ABCA13: variants seen among roughly 807,000 people sequenced by gnomAD.
ABCA13 encodes ATP binding cassette subfamily A member 13.
ABCA13 carries 476 observed loss-of-function variants against 478.7 expected under a neutral mutation model. The observed-to-expected ratio is 0.99, with a 90% CI of 0.92 to 1.07. The LOEUF (loss-of-function observed/expected upper bound fraction) is 1.07. Among genes scored for constraint, ABCA13 ranks in the 50% least tolerant of loss-of-function variants. The pLI, the probability that ABCA13 is intolerant of heterozygous loss-of-function variation, is 0.00. For missense variants in ABCA13, 6,060 were observed against 5,910.6 expected, an observed-to-expected ratio of 1.03 and a Z score of -0.83; for synonymous variants, 2,252 against 2,158.9, an observed-to-expected ratio of 1.04 and a Z score of -1.20.
chr7:48,515,222 C>T (rs1214683501), intron 51 of ABCA13, among the ~76,000 whole-genome samples: 1 of 152,166 alleles, frequency 6.6e-6, no homozygotes, highest in Non-Finnish European at 1.5e-5. Context: ...GATACATTTA[C>T]CTTGAGTGAG....
intron 50 of ABCA13, 122 bp downstream of exon 50, chr7:48,508,171 A>G: frequency 8.5e-7 from 1 of 1,179,230 alleles, no homozygotes; most frequent in African/African-American, 1.5e-5. Context: ...AAAAGGGGTC[A>G]TCTTATTGAT....
intron 1 of ABCA13, among the ~76,000 whole-genome samples, chr7:48,182,465 T>G (rs564405973): frequency 2.6e-4 from 40 of 152,314 alleles, no homozygotes; most frequent in African/African-American, 8.4e-4. Flanking sequence ...CTCCTTCCAG[T>G]GTTCATACTT....
intron 3 of ABCA13, among the ~76,000 whole-genome samples, chr7:48,210,489 C>T (rs756088541): frequency 2.0e-5 from 3 of 151,936 alleles, no homozygotes; most frequent in Non-Finnish European, 4.4e-5. Context: ...ATAAACTTGC[C>T]TCTTAATACT....
chr7:48,379,809 T>A (rs181333173), intron 35 of ABCA13, among the ~76,000 whole-genome samples: 2 of 152,360 alleles, frequency 1.3e-5, no homozygotes, highest in East Asian at 3.9e-4. Flanking sequence ...AAAAGAATGA[T>A]ATTTTTGTAA....
Position 48,335,458 on chromosome 7 carries a change from A to C in ABCA13, c.10036A>C (p.Thr3346Pro). The change falls in exon 28 of 62, where the codon ACT becomes CCT. Residue 3346 changes from threonine (T) to proline (P), a missense_variant. Coordinates refer to ENST00000435803, the MANE Select transcript of ABCA13 (RefSeq NM_152701.5). ...CTTTTATATTGTGGACAAACTAAAA[A>C]CTTTATCAGAAACACTGCTGGAAAT... ...YTFYIVDKLK[T>P]LSETLLEMSS... 2 of 1,613,384 alleles carry C rather than the reference A, an allele frequency of 1.2e-6. No individual in the cohort carries two copies. The highest frequency in any genetic ancestry group is 1.1e-5 in the South Asian group (1 of 90,954).
At position 48,594,850 on chromosome 7, in the gene ABCA13, A is replaced by C. The variant is rs1270004223; in HGVS notation, c.14744+37A>C. On this transcript the variant is annotated intron_variant, in intron 58 of 61. Coordinates refer to ENST00000435803, the MANE Select transcript of ABCA13 (RefSeq NM_152701.5). ...TTTCTCTTGTAGCCATTTCCTGATA[A>C]GACTGAGTAACAAAGGTTAAGAAGT... is the stretch of plus-strand genomic sequence containing the variant. The C allele has an allele frequency of 7.0e-6, 11 of 1,574,122 alleles. No individual in the cohort carries two copies. In the East Asian group the frequency reaches 2.2e-4, roughly 32 times the overall value.
intron 27 of ABCA13, among the ~76,000 whole-genome samples, chr7:48,333,890 C>T (rs713061): frequency 6.6e-6 from 1 of 151,970 alleles, no homozygotes; most frequent in Admixed American, 6.5e-5. Context: ...TACTCCTTGC[C>T]CTGTCTCCTG....
At chr7:48,498,080 T>G (rs1331375693) in intron 48 of ABCA13, among the ~76,000 whole-genome samples, 1 of 152,146 alleles carries the variant, frequency 6.6e-6, no homozygotes, top group African/African-American at 2.4e-5. Context: ...GAAGTCTCAT[T>G]GCTACCAGGT....
At chr7:48,239,452 A>T in intron 9 of ABCA13, 47 bp downstream of exon 9, 1 of 1,535,322 alleles carries the variant, frequency 6.5e-7, no homozygotes, top group Non-Finnish European at 8.8e-7. Context: ...TGCCAGTTTG[A>T]GTGTCCAAAT....
chr7:48,612,521 C>T (rs1462999603), intron 58 of ABCA13, among the ~76,000 whole-genome samples: 1 of 152,094 alleles, frequency 6.6e-6, no homozygotes, highest in East Asian at 1.9e-4. Context: ...CTGTGCAATT[C>T]TCTGAATACA....
intron 3 of ABCA13, among the ~76,000 whole-genome samples, chr7:48,215,044 G>A (rs1010331465): frequency 1.3e-5 from 2 of 152,100 alleles, no homozygotes; most frequent in African/African-American, 4.8e-5. Flanking sequence ...AAACATGGGA[G>A]GTGGAGGTTG....
chr7:48,589,250 A>G (rs1341748607), intron 57 of ABCA13, among the ~76,000 whole-genome samples: 1 of 152,330 alleles, frequency 6.6e-6, no homozygotes, highest in Non-Finnish European at 1.5e-5. Flanking sequence ...TGCTAAATAA[A>G]TGAAGCCTTT....
rs1161182896 is a variant in ABCA13, at chr7:48,362,777, A to G, written c.10689-5017A>G. Among the ~76,000 whole-genome samples the G allele has an allele frequency of 2.0e-5, 3 of 151,804 alleles. No homozygotes were observed. The East Asian group carries it at 5.8e-4, about 29-fold the overall frequency. Reference sequence around the variant, plus strand: ...AATATGTTCTCTTATTTCATCATATATTTTCTCTTGTCCATCATGCAATTT... The same window carrying G: ...AATATGTTCTCTTATTTCATCATATGTTTTCTCTTGTCCATCATGCAATTT... On this transcript the variant is annotated intron_variant, in intron 31 of 61. Coordinates refer to ENST00000435803, the MANE Select transcript of ABCA13 (RefSeq NM_152701.5).
chr7:48,352,483 G>T lies in ABCA13; in HGVS notation c.10684G>T (p.Asp3562Tyr), dbSNP rs775669874. The T allele has an allele frequency of 6.2e-7, 1 of 1,600,552 alleles. No individual in the cohort carries two copies. The highest frequency in any genetic ancestry group is 1.1e-5 in the South Asian group (1 of 89,558). The change falls in exon 31 of 62, where the codon GAC becomes TAC. Residue 3562 changes from aspartate to tyrosine, a missense_variant. Asp to Tyr is a radical substitution (Grantham distance 160). This residue lies in a region of ABCA13 where 4,423 missense variants were observed against 4,309.1 expected (regional missense o/e 1.03). Transcript: ENST00000435803. ...GGCCCCTTACCCCTGCCATACCAGC[G>T]ACCTGTGAGTAGCCTGGGGCAGGAG... is the stretch of plus-strand genomic sequence containing the variant. ...QAAPYPCHTS[D>Y]LFLNNVGFFF...
chr7:48,483,045 G>A, intron 46 of ABCA13, 31 bp from the exon 47 acceptor site: 3 of 1,575,446 alleles, frequency 1.9e-6, no homozygotes, highest in Non-Finnish European at 2.6e-6. Context: ...CTCTGTGGTT[G>A]AAGCACTAAC....
At chr7:48,534,624 C>T (rs541811886) in intron 55 of ABCA13, among the ~76,000 whole-genome samples, 99 of 152,280 alleles carry the variant, frequency 6.5e-4, no homozygotes, top group Admixed American at 4.1e-3. Context: ...GATTTCCCTT[C>T]TTCCTCAGGA....
intron 59 of ABCA13, among the ~76,000 whole-genome samples, chr7:48,635,448 C>T (rs1794556393): frequency 6.6e-6 from 1 of 152,176 alleles, no homozygotes; most frequent in South Asian, 2.1e-4. Flanking sequence ...CAGATTCTCT[C>T]AGCTTGCTTC....
At chr7:48,219,598 C>A (rs1261484872) in intron 4 of ABCA13, 93 bp downstream of exon 4, 2 of 1,453,972 alleles carry the variant, frequency 1.4e-6, no homozygotes, top group Non-Finnish European at 1.9e-6. Flanking sequence ...GCTAAATGCT[C>A]AACTCCTGCC....
At position 48,587,235 on chromosome 7, in the gene ABCA13, C is replaced by T. The variant is rs201669903; in HGVS notation, c.14587C>T (p.Arg4863Trp). The stretch of plus-strand genomic sequence containing the variant: ...GGCCACCTACAGTGGGGGAACCAAG[C>T]GGAAACTCTCTACAGCCCTGGCCCT... ...PVATYSGGTK[R>W]KLSTALALVG... The change falls in exon 57 of 62, where the codon CGG (arginine) becomes TGG (tryptophan). Residue 4863 changes from arginine (R) to tryptophan (W), a missense_variant. Transcript: ENST00000435803. The T allele has an allele frequency of 1.6e-4, 261 of 1,612,220 alleles. No homozygotes were observed. The highest frequency in any genetic ancestry group is 4.4e-4 in the South Asian group (40 of 90,578).
Sources: gnomAD v4.1 joint callset for allele counts (sites outside exome capture counted in the v4.1 genomes callset) on GRCh38, gnomAD v4.1.1 for gene constraint, gnomAD v4.1.1 regional missense constraint, MANE v1.5 for transcripts, NCBI Gene and HGNC (gene_info 2026-07-23, HGNC 2026-07-21) for gene names.